PRKN: variants seen among roughly 807,000 people sequenced by gnomAD.
The protein encoded by PRKN is E3 ubiquitin-protein ligase parkin.
A neutral mutation model predicts 59.5 loss-of-function variants in PRKN; 56 were observed. The observed-to-expected ratio is 0.94, with a 90% CI of 0.76 to 1.18. PRKN has a LOEUF of 1.18. Ranked by LOEUF, PRKN falls within the 50% of genes most tolerant of loss-of-function variation. The pLI is 0.00. For synonymous variants in PRKN, 250 were observed against 222.1 expected, an observed-to-expected ratio of 1.13 and a Z score of -1.12; for missense variants, 657 against 596.4, an observed-to-expected ratio of 1.10 and a Z score of -1.06.
chr6:162,350,540 T>A (rs1784580920), intron 2 of PRKN, among the ~76,000 whole-genome samples: 1 of 152,178 alleles, frequency 6.6e-6, no homozygotes, highest in Non-Finnish European at 1.5e-5. Flanking sequence ...TGACAACTGA[T>A]CTTGATAAAG....
chr6:161,352,536 T>A lies in PRKN; in HGVS notation c.1286-2325A>T, dbSNP rs1784589111. On this transcript the variant is annotated intron_variant, in intron 11 of 11. Coordinates refer to ENST00000366898, the MANE Select transcript of PRKN (RefSeq NM_004562.3). This position sits in a 1 kb window ranked among gnomAD's most constrained non-coding sequence, Gnocchi z 5.8. ...AACCACTTGTTTCTCTAAAATATCA[T>A]AAATATTTTATCATATCATAAATAT... is the stretch of plus-strand genomic sequence containing the variant. Among the ~76,000 whole-genome samples, 1 of 151,738 alleles carries A rather than the reference T, an allele frequency of 6.6e-6. No homozygotes were observed. Among genetic ancestry groups the A allele is most frequent in the Admixed American group, 6.6e-5 (1 of 15,204 alleles).
intron 5 of PRKN, among the ~76,000 whole-genome samples, chr6:162,003,715 G>A (rs1782147031): frequency 6.6e-6 from 1 of 152,104 alleles, no homozygotes; most frequent in South Asian, 2.1e-4. Context: ...AGATCAATTG[G>A]AACACCTCAT....
At chr6:161,741,945 T>G (rs765643277) in intron 7 of PRKN, among the ~76,000 whole-genome samples, 4 of 15,708 alleles carry the variant, frequency 2.5e-4, no homozygotes, top group Middle Eastern at 0.1. Flanking sequence ...TGATGGGATT[T>G]ATTTATTTAT....
intron 1 of PRKN, among the ~76,000 whole-genome samples, chr6:162,447,513 T>G (rs1790376827): frequency 6.6e-6 from 1 of 152,170 alleles, no homozygotes; most frequent in Non-Finnish European, 1.5e-5. Flanking sequence ...CATAATGCAC[T>G]GATAACAAAA....
At chr6:161,745,462 A>G (rs1383403841) in intron 7 of PRKN, among the ~76,000 whole-genome samples, 2 of 152,192 alleles carry the variant, frequency 1.3e-5, no homozygotes, top group Non-Finnish European at 2.9e-5. Context: ...GAAAAGCAGG[A>G]TACAAAGTGT....
At chr6:162,361,509 C>T (rs1231596625) in intron 2 of PRKN, among the ~76,000 whole-genome samples, 1 of 152,132 alleles carries the variant, frequency 6.6e-6, no homozygotes, top group Non-Finnish European at 1.5e-5. Context: ...TGATCTTGAA[C>T]GTTCCAGCCT....
At chr6:162,254,673 A>G (rs1779573358) in intron 3 of PRKN, among the ~76,000 whole-genome samples, 1 of 151,990 alleles carries the variant, frequency 6.6e-6, no homozygotes, top group Admixed American at 6.6e-5. Flanking sequence ...AACTGCCCCC[A>G]TCCTTCATCC....
At chr6:162,319,354 A>G (rs1583370945) in intron 2 of PRKN, among the ~76,000 whole-genome samples, 1 of 152,010 alleles carries the variant, frequency 6.6e-6, no homozygotes, top group Non-Finnish European at 1.5e-5. Flanking sequence ...GTTGTGGAAA[A>G]TAAGAATGAA....
rs75840188 is a variant in PRKN at position 162,269,182 on chromosome 6, T to C, written c.172-6417A>G. Among the ~76,000 whole-genome samples, 302 of 152,272 alleles carry C rather than the reference T, an allele frequency of 2.0e-3. 3 individuals carry two copies. The highest frequency in any genetic ancestry group is 6.9e-3 in the African/African-American group (285 of 41,562). On this transcript the variant is annotated intron_variant, in intron 2 of 11. Transcript: ENST00000366898. Reference sequence around the variant, plus strand: ...GAGATCCCGTCACCCCAGGGAAGACTGCACTTATCACGTCGTATTGTAGTT... The same window carrying C: ...GAGATCCCGTCACCCCAGGGAAGACCGCACTTATCACGTCGTATTGTAGTT...
intron 5 of PRKN, among the ~76,000 whole-genome samples, chr6:161,975,285 T>A (rs931627060): frequency 6.6e-6 from 1 of 151,968 alleles, no homozygotes; most frequent in African/African-American, 2.4e-5. Flanking sequence ...GGTTTCACCA[T>A]TTTAGTCAGG....
intron 10 of PRKN, among the ~76,000 whole-genome samples, chr6:161,374,585 G>T (rs372392377): frequency 1.4e-3 from 1 of 730 alleles, no homozygotes; most frequent in Non-Finnish European, 3.2e-3. Context: ...TGGGTGTGTG[G>T]TGCATGTGTG....
intron 4 of PRKN, among the ~76,000 whole-genome samples, chr6:162,159,376 G>T (rs1329298350): frequency 6.6e-6 from 1 of 152,036 alleles, no homozygotes; most frequent in Non-Finnish European, 1.5e-5. Context: ...AATAACATTT[G>T]CAATACAATC....
intron 1 of PRKN, among the ~76,000 whole-genome samples, chr6:162,498,866 C>A (rs1206813323): frequency 6.6e-6 from 1 of 151,886 alleles, no homozygotes; most frequent in Non-Finnish European, 1.5e-5. Context: ...TATTATTTAT[C>A]CTTCATGTAT....
chr6:161,900,947 G>A (rs1036208300), intron 6 of PRKN, among the ~76,000 whole-genome samples: 1 of 141,740 alleles, frequency 7.1e-6, no homozygotes, highest in East Asian at 2.1e-4. Context: ...ATGGAGTCTC[G>A]CTCTGTCACC....
At chr6:162,192,442 A>ATT (rs10534285) in intron 4 of PRKN, among the ~76,000 whole-genome samples, 2,313 of 74,618 alleles carry the variant, frequency 0.031, 449 homozygotes, top group Middle Eastern at 0.095. Flanking sequence ...AATTATAGGG[A>ATT]TTTTTTTTTT....
chr6:162,071,700 G>C (rs1778582595), intron 4 of PRKN, among the ~76,000 whole-genome samples: 1 of 151,632 alleles, frequency 6.6e-6, no homozygotes, highest in Non-Finnish European at 1.5e-5. Context: ...GGGTTCAAGT[G>C]ATTCTTGTGC....
rs370096592 is a variant in PRKN at position 162,022,032 on chromosome 6, CT to C, written c.618+32058del. ...TCGCTGCAAAGGACAGGATTTTGAT[CT>C]TTTTTTTTGGCTGCATAGTATTCTA... On this transcript the variant is annotated intron_variant, in intron 5 of 11. Transcript: ENST00000366898. Among the ~76,000 whole-genome samples the C allele has an allele frequency of 3.8e-3, 574 of 151,290 alleles. 4 individuals are homozygous for C. Among genetic ancestry groups the C allele is most frequent in the African/African-American group, 0.012 (508 of 41,260 alleles).
In PRKN at chr6:162,243,034, C is replaced by T. The variant is rs187773997; in HGVS notation, c.412+19491G>A. Among the ~76,000 whole-genome samples, 12 of 151,938 alleles carry T rather than the reference C, an allele frequency of 7.9e-5. No homozygotes were observed. The East Asian group carries it at 2.3e-3, about 29-fold the overall frequency. ...TAAAAAAAAAAAAACATTTATCAGC[C>T]AATCTTGCAGACTTGTAGGATCTGA... On this transcript the variant is annotated intron_variant, in intron 3 of 11. Coordinates refer to ENST00000366898, the MANE Select transcript of PRKN (RefSeq NM_004562.3).
At chr6:162,692,311 G>T (rs1468551723) in intron 1 of PRKN, among the ~76,000 whole-genome samples, 1 of 152,100 alleles carries the variant, frequency 6.6e-6, no homozygotes, top group Non-Finnish European at 1.5e-5. Context: ...CTAAAGAAAA[G>T]AAAAGATTGG....
Sources: gnomAD v4.1 joint callset for allele counts (sites outside exome capture counted in the v4.1 genomes callset) on GRCh38, gnomAD v4.1.1 for gene constraint, Gnocchi (gnomAD v3.1) non-coding constraint, MANE v1.5 for transcripts, NCBI Gene and HGNC (gene_info 2026-07-23, HGNC 2026-07-21) for gene names.